Variants in RPS6KA6 observed in about 807,000 individuals in gnomAD.
The protein encoded by RPS6KA6 is ribosomal protein S6 kinase A6.
Under a neutral mutation model 65.4 loss-of-function variants are expected in RPS6KA6, and 27 were observed. The observed-to-expected ratio is 0.41, with a 90% CI of 0.30 to 0.57. The LOEUF (loss-of-function observed/expected upper bound fraction) is 0.57, where lower values mean the gene tolerates loss of function less well. Among genes scored for constraint, RPS6KA6 ranks in the 20% least tolerant of loss-of-function variants. RPS6KA6 has a pLI of 0.24. For synonymous variants in RPS6KA6, 190 were observed against 184.2 expected (o/e 1.03, Z -0.26); for missense variants, 486 against 555.6 (o/e 0.87, Z 1.26).
At chrX:84,120,052 AT>A (rs1476516106) in intron 8 of RPS6KA6, 25 bp from the exon 9 acceptor site, 3 of 1,086,692 alleles carry the variant, frequency 2.8e-6, no homozygotes, top group Non-Finnish European at 3.6e-6. Flanking sequence ...TTACCAAAAA[AT>A]GTGTCTGAAA....
intron 20 of RPS6KA6, among the ~76,000 whole-genome samples, chrX:84,084,714 AT>A (rs774727580): frequency 2.7e-5 from 3 of 112,129 alleles, no homozygotes; most frequent in Non-Finnish European, 5.6e-5. Flanking sequence ...TTCTATATAA[AT>A]TTTAAAATAG....
Position 84,105,827 on chromosome X carries a change from A to G in RPS6KA6, c.1415T>C (p.Met472Thr). 1.7e-6 allele frequency: 2 copies of G among 1,184,420 alleles called. No homozygotes were observed. The highest frequency in any genetic ancestry group is 2.3e-6 in the Non-Finnish European group (2 of 874,748). The change falls in exon 16 of 22, where the codon ATG (methionine) becomes ACG (threonine). Residue 472 changes from methionine to threonine, a missense_variant. Physicochemically the swap from Met to Thr is moderately conservative, Grantham distance 81. Around this residue, in one of 3 missense-constraint regions of RPS6KA6, gnomAD observed 345 missense variants for 375.0 expected, o/e 0.92. Transcript: ENST00000262752. ...RDPSEEIEIL[M>T]RYGQHPNIIT... Reference sequence around the variant, plus strand: ...AATGTTGGGATGTTGTCCATAGCGCATCAATATTTCAATCTCTTCTGAAGG... The same window carrying G: ...AATGTTGGGATGTTGTCCATAGCGCGTCAATATTTCAATCTCTTCTGAAGG...
chrX:84,187,767 G>C, intron 1 of RPS6KA6, 52 bp downstream of exon 1: 1 of 1,116,701 alleles, frequency 9.0e-7, no homozygotes, highest in East Asian at 3.3e-5. Flanking sequence ...CCAAGGTCTT[G>C]AGGGGAAGGA....
At chrX:84,132,914 G>GGA (rs2034927651) in intron 8 of RPS6KA6, among the ~76,000 whole-genome samples, 1 of 98,637 alleles carries the variant, frequency 1.0e-5, no homozygotes, top group Non-Finnish European at 2.1e-5. Flanking sequence ...GTGGACTAGT[G>GGA]AAAAAAAAAA....
chrX:84,162,651 T>C (rs1001840206), intron 2 of RPS6KA6, among the ~76,000 whole-genome samples: 3 of 112,216 alleles, frequency 2.7e-5, no homozygotes, highest in Admixed American at 9.5e-5. Context: ...CTTGAGTTTA[T>C]GCACCACACA....
intron 20 of RPS6KA6, among the ~76,000 whole-genome samples, chrX:84,086,066 TCTAG>T (rs2033914260): frequency 1.8e-5 from 2 of 111,500 alleles, no homozygotes; most frequent in African/African-American, 3.3e-5. Context: ...CTCTCTTCTG[TCTAG>T]CTAGTTGTCT....
intron 4 of RPS6KA6, among the ~76,000 whole-genome samples, chrX:84,147,293 T>C (rs763885031): frequency 1.3e-4 from 14 of 111,923 alleles, no homozygotes; most frequent in African/African-American, 3.6e-4. Flanking sequence ...TATGCATTTA[T>C]TATGTGTTCA....
intron 12 of RPS6KA6, 53 bp downstream of exon 12, chrX:84,116,176 T>A (rs2034560932): frequency 1.5e-6 from 1 of 664,481 alleles, no homozygotes; most frequent in Non-Finnish European, 2.4e-6. Context: ...ATCTTTAATA[T>A]CCTGTGTTGG....
intron 8 of RPS6KA6, among the ~76,000 whole-genome samples, chrX:84,125,532 C>T (rs188727082): frequency 9.9e-5 from 11 of 110,762 alleles, no homozygotes; most frequent in African/African-American, 2.3e-4. Context: ...ATTCTCAAAC[C>T]GAAAAACATA....
At chrX:84,172,522 G>A (rs768793876) in intron 1 of RPS6KA6, among the ~76,000 whole-genome samples, 5 of 111,876 alleles carry the variant, frequency 4.5e-5, no homozygotes, top group Non-Finnish European at 9.4e-5. Context: ...TGGTGACAAC[G>A]TAAAATGGTA....
chrX:84,108,238 TTGAAA>T (rs2034399921), intron 12 of RPS6KA6, among the ~76,000 whole-genome samples: 1 of 112,072 alleles, frequency 8.9e-6, no homozygotes, highest in South Asian at 3.7e-4. Flanking sequence ...GCCACTTCTT[TTGAAA>T]TCTATTTTTT....
rs1476115988 is a variant in RPS6KA6 at position 84,062,526 on chromosome X, G to A, written c.*1751C>T. The A allele has an allele frequency of 9.0e-6, 1 of 111,184 alleles. No homozygotes were observed. Among genetic ancestry groups the A allele is most frequent in the Non-Finnish European group, 1.9e-5 (1 of 52,874 alleles). The allele number at this position is 111,184 out of a possible 1,213,427, so 9.2% of individuals were successfully genotyped here. The stretch of plus-strand genomic sequence containing the variant: ...AAAAAGCCAAAATGGAACATAAAAA[G>A]CCATAAGACATGATACCTAACTACT... On this transcript the variant is annotated 3_prime_UTR_variant, in exon 22 of 22. Coordinates refer to ENST00000262752, the MANE Select transcript of RPS6KA6 (RefSeq NM_014496.5).
chrX:84,140,670 G>A (rs2035078077), intron 6 of RPS6KA6, among the ~76,000 whole-genome samples: 1 of 95,351 alleles, frequency 1.0e-5, no homozygotes, highest in Non-Finnish European at 2.0e-5. Flanking sequence ...GGAGGCAGAG[G>A]TTGCAGTGAG....
chrX:84,130,939 G>A (rs903557696), intron 8 of RPS6KA6, among the ~76,000 whole-genome samples: 1 of 111,810 alleles, frequency 8.9e-6, no homozygotes, highest in Admixed American at 9.5e-5. Context: ...AAGGCTGTAC[G>A]CATTTGTCAA....
intron 20 of RPS6KA6, among the ~76,000 whole-genome samples, chrX:84,070,575 CTG>C (rs1323517268): frequency 9.0e-6 from 1 of 110,635 alleles, no homozygotes; most frequent in Non-Finnish European, 1.9e-5. Context: ...CAAAAAAAAA[CTG>C]TTCTAATATA....
chrX:84,100,774 C>A (rs1050547361), intron 18 of RPS6KA6, among the ~76,000 whole-genome samples: 2 of 110,732 alleles, frequency 1.8e-5, no homozygotes, highest in Non-Finnish European at 3.8e-5. Context: ...AAAACTTGTA[C>A]ATTATTTTAT....
intron 20 of RPS6KA6, among the ~76,000 whole-genome samples, chrX:84,072,846 T>A (rs1191873813): frequency 1.8e-5 from 2 of 111,348 alleles, no homozygotes; most frequent in African/African-American, 6.5e-5. Flanking sequence ...GTGAATGATC[T>A]CTACAATGAA....
chrX:84,115,497 C>T (rs141685528), intron 12 of RPS6KA6, among the ~76,000 whole-genome samples: 1 of 111,986 alleles, frequency 8.9e-6, no homozygotes, highest in African/African-American at 3.2e-5. Flanking sequence ...TACACTTATA[C>T]ACTGTTAATG....
chrX:84,068,952 T>C (rs1028434252), intron 20 of RPS6KA6, among the ~76,000 whole-genome samples: 1 of 111,985 alleles, frequency 8.9e-6, no homozygotes, highest in Non-Finnish European at 1.9e-5. Context: ...TGCTCATGGA[T>C]AGGAAGAGTC....
Sources: allele counts gnomAD v4.1 joint callset (sites outside exome capture counted in the v4.1 genomes callset), GRCh38; gene constraint gnomAD v4.1.1; regional missense constraint gnomAD v4.1.1; transcripts MANE v1.5; gene names NCBI Gene and HGNC (gene_info 2026-07-23, HGNC 2026-07-21).